ESRP2: variants seen among roughly 807,000 people sequenced by gnomAD.
ESRP2 encodes RNA binding motif protein 35A.
In ESRP2, 48 loss-of-function variants were observed where a neutral mutation model predicts 78.6. The observed-to-expected ratio is 0.61, with a 90% CI of 0.48 to 0.78. The LOEUF is 0.78. ESRP2 is among the 30% of genes least tolerant of loss of function. The probability of loss-of-function intolerance (pLI) is 0.00; values close to 1 mark genes in which losing one functional copy is unlikely to be tolerated. For synonymous variants in ESRP2, 383 were observed against 406.7 expected (o/e 0.94, Z 0.70); for missense variants, 863 against 965.9 (o/e 0.89, Z 1.41).
At position 68,229,833 on chromosome 16, in the gene ESRP2, A is replaced by G. The variant is rs2042102283; in HGVS notation, c.*393T>C. On this transcript the variant is annotated 3_prime_UTR_variant, in exon 15 of 15. Coordinates refer to ENST00000473183, the MANE Select transcript of ESRP2 (RefSeq NM_024939.3). The stretch of plus-strand genomic sequence containing the variant: ...CAGATGGACCCTTGATTCTCCCAGG[A>G]GTCATACATTGAAGGTACCAGAGCT... 4.5e-6 allele frequency: 1 copy of G among 219,942 alleles called. No homozygotes were observed. Among genetic ancestry groups the G allele is most frequent in the African/African-American group, 2.2e-5 (1 of 44,560 alleles). 13.6% of individuals were successfully genotyped at this position (219,942 alleles called of 1,614,324 possible).
Position 68,232,226 on chromosome 16 carries a change from C to A in ESRP2, c.997+20G>T. The A allele has an allele frequency of 6.2e-7, 1 of 1,614,090 alleles. No individual in the cohort carries two copies. Among genetic ancestry groups the A allele is most frequent in the East Asian group, 2.2e-5 (1 of 44,884 alleles). Reference sequence around the variant, plus strand: ...GGATCAAGAACCAGGGGAGCCAGGCCCTGTTTGCAGTATACTCACCCCCTG... The same window carrying A: ...GGATCAAGAACCAGGGGAGCCAGGCACTGTTTGCAGTATACTCACCCCCTG... On this transcript the variant is annotated intron_variant, in intron 9 of 14. Transcript: ENST00000473183. This position sits in a 1 kb window ranked among gnomAD's most constrained non-coding sequence, Gnocchi z 5.2.
At position 68,232,740 on chromosome 16, in the gene ESRP2, A is replaced by G. The variant is rs775506274; in HGVS notation, c.710+21T>C. ...GAGCTATTCAGCTGTTGTCACCCCC[A>G]GCCCCTGCTCCCACACTCACCAAGG... On this transcript the variant is annotated intron_variant, in intron 6 of 14. Transcript: ENST00000473183. This position sits in a 1 kb window ranked among gnomAD's most constrained non-coding sequence, Gnocchi z 5.2. 13 of 1,613,994 alleles carry G rather than the reference A, an allele frequency of 8.1e-6. No individual in the cohort carries two copies. The South Asian group carries it at 1.3e-4, about 16-fold the overall frequency.
At position 68,231,828 on chromosome 16, in the gene ESRP2, G is replaced by A; in HGVS notation, c.1273C>T (p.Arg425Trp). ...TGCTGCACTTCGGCTGCAGTGCTCC[G>A]GAAGAGTTCAATGTATCGCTTACCC... ...MLGKRYIELF[R>W]STAAEVQQVL... Residue 425 changes from arginine to tryptophan, a missense_variant, in exon 10 of 15, where the codon CGG (arginine) becomes TGG (tryptophan). By Grantham distance (101) the Arg-to-Trp change is moderately radical. Coordinates refer to ENST00000473183, the MANE Select transcript of ESRP2 (RefSeq NM_024939.3). This position sits in a 1 kb window ranked among gnomAD's most constrained non-coding sequence, Gnocchi z 6.0. 7 of 1,612,958 alleles carry A rather than the reference G, an allele frequency of 4.3e-6. No individual in the cohort carries two copies. The highest frequency in any genetic ancestry group is 5.9e-6 in the Non-Finnish European group (7 of 1,179,122).
chr16:68,233,057 G>GTGT (rs2042167950), intron 5 of ESRP2: 2 of 621,114 alleles, frequency 3.2e-6, no homozygotes, highest in Non-Finnish European at 5.6e-6. Flanking sequence ...AAATTAGGTG[G>GTGT]GCATGGTGGC....
At position 68,230,977 on chromosome 16, in the gene ESRP2, G is replaced by C. The variant is rs1396008948; in HGVS notation, c.1762C>G (p.Pro588Ala). 1 of 1,606,194 alleles carries C rather than the reference G, an allele frequency of 6.2e-7. No homozygotes were observed. Among genetic ancestry groups the C allele is most frequent in the Admixed American group, 1.7e-5 (1 of 58,940 alleles). ...TTFQATPTLIPTETAALYPSS... is the reference protein window; with the variant it reads ...TTFQATPTLIATETAALYPSS... ...GGGTATAGAGCTGCCGTCTCCGTGG[G>C]AATGAGCGTTGGGGTGGCTTGGAAG... is the stretch of plus-strand genomic sequence containing the variant. The change falls in exon 13 of 15, where the codon CCC (proline) becomes GCC (alanine). Residue 588 changes from proline to alanine, a missense_variant. By Grantham distance (27) the Pro-to-Ala change is conservative. Transcript: ENST00000473183.
chr16:68,235,533 G>C lies in ESRP2; in HGVS notation c.327+101C>G. 6.6e-7 allele frequency: 1 copy of C among 1,516,212 alleles called. No individual in the cohort carries two copies. Among genetic ancestry groups the C allele is most frequent in the Non-Finnish European group, 8.8e-7 (1 of 1,140,608 alleles). The allele number at this position is 1,516,212 out of a possible 1,614,324, so 93.9% of individuals were successfully genotyped here. A position where few individuals can be genotyped will look rare whatever the true frequency, so the allele number is the denominator to read the frequency against. On this transcript the variant is annotated intron_variant, in intron 2 of 14. Transcript: ENST00000473183. The surrounding 1 kb of genome is among the most constrained non-coding windows in gnomAD (Gnocchi z 5.5). Reference sequence around the variant, plus strand: ...AACAAGAGCCCAGTCCTGCCGCCTGGACCGGTTGGTTGCGGCACGCCAGGC... The same window carrying C: ...AACAAGAGCCCAGTCCTGCCGCCTGCACCGGTTGGTTGCGGCACGCCAGGC...
intron 2 of ESRP2, chr16:68,234,822 T>G (rs1375867933): frequency 1.3e-5 from 2 of 152,294 alleles, no homozygotes; most frequent in African/African-American, 4.8e-5. Flanking sequence ...CCAGCTCTCC[T>G]CCAGCAAACT....
rs1330838328 is a variant in ESRP2 at position 68,232,092 on chromosome 16, C to T, written c.1009G>A (p.Glu337Lys). The change falls in exon 10 of 15, where the codon GAG becomes AAG. Residue 337 changes from glutamate (E) to lysine (K), a missense_variant. By Grantham distance (56) the Glu-to-Lys change is moderately conservative (BLOSUM62 1). Transcript: ENST00000473183. The surrounding 1 kb of genome is among the most constrained non-coding windows in gnomAD (Gnocchi z 5.2). ...FVKIAGGTSL[E>K]VARFLSREDQ... is the part of the protein sequence containing the mutation. ...TCCCGTGACAAGAAACGAGCCACCT[C>T]TAGTGATGTGCCTGTGTATGAGAGT... 4.3e-6 allele frequency: 7 copies of T among 1,612,852 alleles called. No individual in the cohort carries two copies. The highest frequency in any genetic ancestry group is 2.5e-6 in the Non-Finnish European group (3 of 1,179,172).
In ESRP2 at chr16:68,234,088, C is replaced by G; in HGVS notation, c.347G>C (p.Gly116Ala). 5 of 1,612,614 alleles carry G rather than the reference C, an allele frequency of 3.1e-6. No individual in the cohort carries two copies. Among genetic ancestry groups the G allele is most frequent in the Non-Finnish European group, 4.2e-6 (5 of 1,179,434 alleles). Residue 116 changes from glycine to alanine, a missense_variant, in exon 3 of 15, where the codon GGG becomes GCG. Coordinates refer to ENST00000473183, the MANE Select transcript of ESRP2 (RefSeq NM_024939.3). ...VLQQFSQLVN[G>A]DVALLGGGPY... is the part of the protein sequence containing the mutation. ...GCCCCCGCCCAGCAAAGCCACATCC[C>G]CGTTCACCAGCTGTGAGAACTGGGG...
rs1395794211 is a variant in ESRP2, at chr16:68,231,253, C to T, written c.1636G>A (p.Glu546Lys). Residue 546 changes from glutamate to lysine, a missense_variant, in exon 12 of 15, where the codon GAG becomes AAG. Transcript: ENST00000473183. This position sits in a 1 kb window ranked among gnomAD's most constrained non-coding sequence, Gnocchi z 6.0. ...CCCATCAGCACTCGGCTCATCTCCT[C>T]TGTGGAACAGGGGACCACCTCCACG... ...RYVEVVPCST[E>K]EMSRVLMGGT... The T allele has an allele frequency of 8.1e-6, 13 of 1,613,982 alleles. No individual in the cohort carries two copies. Among genetic ancestry groups the T allele is most frequent in the Non-Finnish European group, 1.1e-5 (13 of 1,179,996 alleles).
Position 68,231,336 on chromosome 16 carries a change from G to A in ESRP2, c.1553C>T (p.Ala518Val), listed in dbSNP as rs3743738. 2.7e-3 allele frequency: 4,389 copies of A among 1,614,162 alleles called. 115 individuals carry two copies. The East Asian group carries it at 0.064, about 23-fold the overall frequency. ...SGDAFIQMTS[A>V]ERALAAAQRC... is the part of the protein sequence containing the mutation. ...CTGAGCAGCAGCTAGGGCTCGCTCT[G>A]CTGATGTCATCTGAATGAAGGCATC... The change falls in exon 12 of 15, where the codon GCA (alanine) becomes GTA (valine). Residue 518 changes from alanine (A) to valine (V), a missense_variant. Coordinates refer to ENST00000473183, the MANE Select transcript of ESRP2 (RefSeq NM_024939.3). This position sits in a 1 kb window ranked among gnomAD's most constrained non-coding sequence, Gnocchi z 6.0.
At chr16:68,233,459 A>G (rs1444383271) in intron 4 of ESRP2, 34 bp from the exon 5 acceptor site, 2 of 1,504,668 alleles carry the variant, frequency 1.3e-6, no homozygotes, top group Non-Finnish European at 1.9e-6. Flanking sequence ...AAGACATCTT[A>G]GCATAAGCAC....
Position 68,230,821 on chromosome 16 carries a change from T to C in ESRP2, c.1898+20A>G, listed in dbSNP as rs759495566. ...TGGGACAGGGAGTGGGACTGTGATATTCTCTTAGCTGCAGGGTACCTTGGG... is the reference window on the plus strand; with the variant it reads ...TGGGACAGGGAGTGGGACTGTGATACTCTCTTAGCTGCAGGGTACCTTGGG... On this transcript the variant is annotated intron_variant, in intron 13 of 14. Coordinates refer to ENST00000473183, the MANE Select transcript of ESRP2 (RefSeq NM_024939.3). 2.5e-6 allele frequency: 4 copies of C among 1,613,750 alleles called. No individual in the cohort carries two copies. The highest frequency in any genetic ancestry group is 2.7e-5 in the African/African-American group (2 of 75,040).
In ESRP2 at chr16:68,235,272, C is replaced by T. The variant is rs2042208269; in HGVS notation, c.327+362G>A. On this transcript the variant is annotated intron_variant, in intron 2 of 14. Coordinates refer to ENST00000473183, the MANE Select transcript of ESRP2 (RefSeq NM_024939.3). The surrounding 1 kb of genome is among the most constrained non-coding windows in gnomAD (Gnocchi z 5.5). ...GCAAGGACAGGTGACCTATATGGGC[C>T]CCTCGACCCCTTTCGCTTCCGGCTG... 1.0e-6 allele frequency: 1 copy of T among 985,344 alleles called. No individual in the cohort carries two copies. Among genetic ancestry groups the T allele is most frequent in the Non-Finnish European group, 1.2e-6 (1 of 829,944 alleles). The allele number at this position is 985,344 out of a possible 1,614,324, so 61.0% of individuals were successfully genotyped here. A position where few individuals can be genotyped will look rare whatever the true frequency, so the allele number is the denominator to read the frequency against.
chr16:68,234,147 A>G, intron 2 of ESRP2, 40 bp from the exon 3 acceptor site: 8 of 1,484,512 alleles, frequency 5.4e-6, no homozygotes, highest in Non-Finnish European at 7.4e-6. Flanking sequence ...ACACAGATTC[A>G]CAGCTGGGCA....
rs2042214260 is a variant in ESRP2, at chr16:68,235,589, A to G, written c.327+45T>C. On this transcript the variant is annotated intron_variant, in intron 2 of 14. Coordinates refer to ENST00000473183, the MANE Select transcript of ESRP2 (RefSeq NM_024939.3). This position sits in a 1 kb window ranked among gnomAD's most constrained non-coding sequence, Gnocchi z 5.5. ...CTCCGGCCGCCAATCCCGCCCAGAA[A>G]TGTCCTCACGTCCAGGCCATGCCGC... The G allele has an allele frequency of 1.3e-6, 2 of 1,592,938 alleles. No homozygotes were observed. Among genetic ancestry groups the G allele is most frequent in the African/African-American group, 1.3e-5 (1 of 74,648 alleles).
rs375177301 is a variant in ESRP2 at position 68,232,257 on chromosome 16, T to C, written c.986A>G (p.Lys329Arg). ...TGCAGTATACTCACCCCCTGCAATC[T>C]TTACAAACTCCTCCCCTGTCGCTTT... ...VYKATGEEFV[K>R]IAGGTSLEVA... The change falls in exon 9 of 15, where the codon AAG (lysine) becomes AGG (arginine). Residue 329 changes from lysine to arginine, a missense_variant. Physicochemically the swap from Lys to Arg is conservative, Grantham distance 26. Coordinates refer to ENST00000473183, the MANE Select transcript of ESRP2 (RefSeq NM_024939.3). The surrounding 1 kb of genome is among the most constrained non-coding windows in gnomAD (Gnocchi z 5.2). The C allele has an allele frequency of 9.3e-6, 15 of 1,614,012 alleles. No homozygotes were observed. Among genetic ancestry groups the C allele is most frequent in the Admixed American group, 1.7e-5 (1 of 59,998 alleles).
Position 68,230,548 on chromosome 16 carries a change from TG to T in ESRP2, c.1904del (p.Pro635GlnfsTer43). The T allele has an allele frequency of 6.4e-7, 1 of 1,566,290 alleles. No homozygotes were observed. The highest frequency in any genetic ancestry group is 8.7e-7 in the Non-Finnish European group (1 of 1,154,408). ...GGTAGCCCACAGTGGTGGGGGAGAC[TG>T]GGGGGCTAGGGTGGGAGAGACAAGG... ...LNYTAYYPSP[P>X]VSPTTVGYLT... On this transcript the variant is annotated frameshift_variant, in exon 14 of 15. Transcript: ENST00000473183. LOFTEE classifies it high-confidence loss of function.
Position 68,233,027 on chromosome 16 carries a change from C to T in ESRP2, c.656-212G>A, listed in dbSNP as rs185463553. The stretch of plus-strand genomic sequence containing the variant: ...CAGCCTGGCCAACATGGTGAAACCC[C>T]ATCTCTACTAAAAATACAAAAATTA... On this transcript the variant is annotated intron_variant, in intron 5 of 14. Coordinates refer to ENST00000473183, the MANE Select transcript of ESRP2 (RefSeq NM_024939.3). The T allele has an allele frequency of 4.0e-3, 2,594 of 644,870 alleles. 101 individuals carry two copies. In the Admixed American group the frequency reaches 0.062, roughly 15 times the overall value. 39.9% of individuals were successfully genotyped at this position (644,870 alleles called of 1,614,324 possible). A position where few individuals can be genotyped will look rare whatever the true frequency, so the allele number is the denominator to read the frequency against.
Sources: allele counts gnomAD v4.1 joint callset, GRCh38; gene constraint gnomAD v4.1.1; non-coding constraint Gnocchi (gnomAD v3.1); transcripts MANE v1.5; gene names NCBI Gene and HGNC (gene_info 2026-07-23, HGNC 2026-07-21).